GABRG1: variants seen among roughly 807,000 people sequenced by gnomAD.
GABRG1 encodes the protein gamma-aminobutyric acid receptor subunit gamma-1.
GABRG1 carries 49 observed loss-of-function variants against 49.8 expected under a neutral mutation model. The observed-to-expected ratio is 0.98, with a 90% CI of 0.78 to 1.25. The LOEUF is 1.25. Ranked by LOEUF, GABRG1 falls within the 50% of genes most tolerant of loss-of-function variation. The pLI is 0.00. For synonymous variants in GABRG1, 232 were observed against 185.1 expected (o/e 1.25, Z -2.06); for missense variants, 552 against 552.3 (o/e 1.00, Z 0.01).
At chr4:46,114,672 T>G (rs965003471) in intron 1 of GABRG1, among the ~76,000 whole-genome samples, 1 of 150,802 alleles carries the variant, frequency 6.6e-6, no homozygotes, top group Non-Finnish European at 1.5e-5. Context: ...AAAAAAAAAT[T>G]TAAATCCTAT....
intron 2 of GABRG1, among the ~76,000 whole-genome samples, chr4:46,092,441 AAT>A (rs1362532824): frequency 1.3e-5 from 2 of 152,038 alleles, no homozygotes; most frequent in Admixed American, 1.3e-4. Flanking sequence ...TTTATAAATG[AAT>A]ATGTGTACAA....
chr4:46,077,207 A>C (rs1032838578), intron 3 of GABRG1, among the ~76,000 whole-genome samples: 1 of 151,474 alleles, frequency 6.6e-6, no homozygotes, highest in Non-Finnish European at 1.5e-5. Flanking sequence ...GCTAAATGAC[A>C]AGTTAATGGG....
rs61288916 is a variant in GABRG1, at chr4:46,090,955, TACACACAC to T, written c.253+6238_253+6245del. ...GAATACACACACACACACACACACATACACACACACACACACACACACACACACACACA... is the reference window on the plus strand; with the variant it reads ...GAATACACACACACACACACACACATACACACACACACACACACACACACA... On this transcript the variant is annotated intron_variant, in intron 2 of 8. Coordinates refer to ENST00000295452, the MANE Select transcript of GABRG1 (RefSeq NM_173536.4). 1.1e-3 allele frequency among the ~76,000 whole-genome samples: 138 copies of T among 131,172 alleles called. 1 individual carries two copies. Among genetic ancestry groups the T allele is most frequent in the Middle Eastern group, 4.0e-3 (1 of 248 alleles). The allele number at this position is 131,172 out of a possible 152,430, so 86.1% of individuals were successfully genotyped here. A position where few individuals can be genotyped will look rare whatever the true frequency, so the allele number is the denominator to read the frequency against.
At position 46,123,738 on chromosome 4, in the gene GABRG1, T is replaced by C. The variant is rs1721167381; in HGVS notation, c.104+72A>G. 4 of 1,074,090 alleles carry C rather than the reference T, an allele frequency of 3.7e-6. No individual in the cohort carries two copies. The Admixed American group carries it at 8.6e-5, about 23-fold the overall frequency. The allele number at this position is 1,074,090 out of a possible 1,614,324, so 66.5% of individuals were successfully genotyped here. A position where few individuals can be genotyped will look rare whatever the true frequency, so the allele number is the denominator to read the frequency against. On this transcript the variant is annotated intron_variant, in intron 1 of 8. Transcript: ENST00000295452. ...ATTAATTACTTAAAGTGGAATAATT[T>C]TTAAAAGAAAGGGGAATAAGGGGAA... is the stretch of plus-strand genomic sequence containing the variant.
intron 8 of GABRG1, among the ~76,000 whole-genome samples, chr4:46,050,695 T>C (rs575274527): frequency 2.8e-4 from 42 of 151,996 alleles, no homozygotes; most frequent in African/African-American, 9.1e-4. Flanking sequence ...GATCCAGGTC[T>C]GAGTCTTGGA....
chr4:46,122,654 T>C (rs780364716), intron 1 of GABRG1, among the ~76,000 whole-genome samples: 11 of 152,136 alleles, frequency 7.2e-5, no homozygotes, highest in Non-Finnish European at 1.3e-4. Flanking sequence ...GAAAATATAC[T>C]TGTTCTATAT....
chr4:46,036,268 T>C lies in GABRG1; in HGVS notation c.*4720A>G, dbSNP rs1717520214. 1 of 151,782 alleles carries C rather than the reference T, an allele frequency of 6.6e-6. No individual in the cohort carries two copies. Among genetic ancestry groups the C allele is most frequent in the Non-Finnish European group, 1.5e-5 (1 of 67,838 alleles). The allele number at this position is 151,782 out of a possible 1,614,324, so 9.4% of individuals were successfully genotyped here. ...AGACTATTTCTACCTGCAATTCTCT[T>C]ATTCTCTTTGTCCAAATATATATAT... On this transcript the variant is annotated 3_prime_UTR_variant, in exon 9 of 9. Transcript: ENST00000295452.
At chr4:46,123,477 T>C (rs1229363666) in intron 1 of GABRG1, among the ~76,000 whole-genome samples, 1 of 152,082 alleles carries the variant, frequency 6.6e-6, no homozygotes, top group Admixed American at 6.6e-5. Context: ...AGTTCTTCGG[T>C]GGCATTCATT....
rs1250733283 is a variant in GABRG1 at position 46,037,987 on chromosome 4, A to T, written c.*3001T>A. ...TACTAATGCCAGAATATGGAAACACAAGTGAAAAAATCCTTATGATTGCCT... is the reference window on the plus strand; with the variant it reads ...TACTAATGCCAGAATATGGAAACACTAGTGAAAAAATCCTTATGATTGCCT... On this transcript the variant is annotated 3_prime_UTR_variant, in exon 9 of 9. Coordinates refer to ENST00000295452, the MANE Select transcript of GABRG1 (RefSeq NM_173536.4). 1 of 151,750 alleles carries T rather than the reference A, an allele frequency of 6.6e-6. No homozygotes were observed. Among genetic ancestry groups the T allele is most frequent in the African/African-American group, 2.4e-5 (1 of 41,420 alleles). The allele number at this position is 151,750 out of a possible 1,614,324, so 9.4% of individuals were successfully genotyped here.
At chr4:46,078,284 G>T (rs1417690549) in intron 3 of GABRG1, among the ~76,000 whole-genome samples, 1 of 151,986 alleles carries the variant, frequency 6.6e-6, no homozygotes, top group Non-Finnish European at 1.5e-5. Context: ...TATCTAAATA[G>T]CAAACAAAAT....
chr4:46,095,132 A>AAG (rs1720125468), intron 2 of GABRG1, among the ~76,000 whole-genome samples: 1 of 151,836 alleles, frequency 6.6e-6, no homozygotes, highest in African/African-American at 2.4e-5. Context: ...AAAAAGACAA[A>AAG]ATTATGATGG....
intron 3 of GABRG1, among the ~76,000 whole-genome samples, chr4:46,074,193 G>T (rs767015944): frequency 6.6e-6 from 1 of 152,126 alleles, no homozygotes; most frequent in Non-Finnish European, 1.5e-5. Context: ...ATCTGAATGG[G>T]AAAAGTGTTT....
At chr4:46,069,731 G>A (rs2109412243) in intron 3 of GABRG1, among the ~76,000 whole-genome samples, 1 of 152,090 alleles carries the variant, frequency 6.6e-6, no homozygotes, top group Admixed American at 6.6e-5. Flanking sequence ...ATTTTTCAGT[G>A]TTCTTGTTAG....
chr4:46,117,254 A>G (rs1720926013), intron 1 of GABRG1, among the ~76,000 whole-genome samples: 1 of 150,612 alleles, frequency 6.6e-6, no homozygotes, highest in Admixed American at 6.7e-5. Context: ...TTACTTCTGT[A>G]TCTCTATTGC....
intron 2 of GABRG1, among the ~76,000 whole-genome samples, chr4:46,094,735 A>G (rs1720111927): frequency 6.6e-6 from 1 of 152,096 alleles, no homozygotes; most frequent in East Asian, 1.9e-4. Flanking sequence ...ACCACAAAAT[A>G]AATAATACAC....
chr4:46,036,295 A>C lies in GABRG1; in HGVS notation c.*4693T>G, dbSNP rs928956050. On this transcript the variant is annotated 3_prime_UTR_variant, in exon 9 of 9. Transcript: ENST00000295452. ...TTCTCTTTGTCCAAATATATATATAATTTTATACATATATATATGTATGTA... is the reference window on the plus strand; with the variant it reads ...TTCTCTTTGTCCAAATATATATATACTTTTATACATATATATATGTATGTA... 6.6e-6 allele frequency: 1 copy of C among 151,650 alleles called. No homozygotes were observed. The highest frequency in any genetic ancestry group is 1.5e-5 in the Non-Finnish European group (1 of 67,834). The allele number at this position is 151,650 out of a possible 1,614,324, so 9.4% of individuals were successfully genotyped here. A position where few individuals can be genotyped will look rare whatever the true frequency, so the allele number is the denominator to read the frequency against.
chr4:46,086,739 C>A (rs1472122423), intron 2 of GABRG1, among the ~76,000 whole-genome samples: 1 of 151,460 alleles, frequency 6.6e-6, no homozygotes, highest in Non-Finnish European at 1.5e-5. Context: ...GATATAGGTA[C>A]AATTCCAAGA....
chr4:46,121,164 A>C (rs1184738255), intron 1 of GABRG1, among the ~76,000 whole-genome samples: 1 of 151,820 alleles, frequency 6.6e-6, no homozygotes, highest in Non-Finnish European at 1.5e-5. Flanking sequence ...ATTAAATACA[A>C]AAAAAATGCT....
At chr4:46,092,390 TATG>T (rs1232255059) in intron 2 of GABRG1, among the ~76,000 whole-genome samples, 2 of 152,032 alleles carry the variant, frequency 1.3e-5, no homozygotes, top group Non-Finnish European at 2.9e-5. Context: ...CTTACTGATT[TATG>T]ATTAAATCTA....
Sources: allele counts gnomAD v4.1 joint callset (sites outside exome capture counted in the v4.1 genomes callset), GRCh38; gene constraint gnomAD v4.1.1; transcripts MANE v1.5; gene names NCBI Gene and HGNC (gene_info 2026-07-23, HGNC 2026-07-21).